Variants in ERI1 observed in about 807,000 individuals in gnomAD.
ERI1 encodes the protein 3'-5' exoribonuclease 1.
ERI1 carries 39 observed loss-of-function variants against 39.7 expected under a neutral mutation model. That is an observed-to-expected ratio of 0.98 (90% CI 0.76 to 1.28). The LOEUF (loss-of-function observed/expected upper bound fraction) is 1.28. Ranked by LOEUF, ERI1 falls within the 50% of genes most tolerant of loss-of-function variation. The pLI is 0.00. For missense variants in ERI1, 581 were observed against 416.9 expected (o/e 1.39, Z -3.43); for synonymous variants, 204 against 149.6 (o/e 1.36, Z -2.65).
At chr8:9,053,219 G>T (rs1474951729) in intron 3 of ERI1, among the ~76,000 whole-genome samples, 1 of 152,172 alleles carries the variant, frequency 6.6e-6, no homozygotes, top group African/African-American at 2.4e-5. Flanking sequence ...GTTTTGCCAT[G>T]TTGGCCCCAC....
intron 3 of ERI1, among the ~76,000 whole-genome samples, chr8:9,074,583 A>C (rs995231845): frequency 2.0e-5 from 3 of 152,034 alleles, no homozygotes; most frequent in Non-Finnish European, 4.4e-5. Context: ...CTGAGACTAC[A>C]GGTATATACT....
chr8:9,088,890 A>G (rs1799616263), intron 3 of ERI1, among the ~76,000 whole-genome samples: 1 of 152,206 alleles, frequency 6.6e-6, no homozygotes. Context: ...TGACCAGGTC[A>G]TGCGGGTGAG....
At position 9,056,302 on chromosome 8, in the gene ERI1, C is replaced by G. The variant is rs561735876; in HGVS notation, n.299+35838C>G. ...GCACAGCTCTGTCCTGCTCCTACCT[C>G]TGTTGTGATTTGACCTGCCTTTTCC... On this transcript the variant is annotated intron_variant and non_coding_transcript_variant, in intron 3 of 3. Coordinates refer to the ERI1 transcript ENST00000518663. Among the ~76,000 whole-genome samples the G allele has an allele frequency of 1.2e-4, 18 of 152,342 alleles. No individual in the cohort carries two copies. In the South Asian group the frequency reaches 3.3e-3, roughly 28 times the overall value.
At chr8:9,073,837 G>T (rs1184674499) in intron 3 of ERI1, among the ~76,000 whole-genome samples, 2 of 152,036 alleles carry the variant, frequency 1.3e-5, no homozygotes, top group Non-Finnish European at 2.9e-5. Flanking sequence ...TCTGTTTAGG[G>T]TCTTTTACTT....
chr8:9,090,701 G>C (rs1799676052), intron 3 of ERI1, among the ~76,000 whole-genome samples: 1 of 152,168 alleles, frequency 6.6e-6, no homozygotes, highest in Admixed American at 6.5e-5. Flanking sequence ...TATAGATTGT[G>C]CTTTAGAAAA....
chr8:9,006,110 T>G (rs903428726), intron 1 of ERI1, among the ~76,000 whole-genome samples: 1 of 152,264 alleles, frequency 6.6e-6, no homozygotes, highest in African/African-American at 2.4e-5. Flanking sequence ...TAATTTTGTC[T>G]TTCTGCAGAT....
chr8:9,048,086 C>A (rs1342628507), intron 3 of ERI1, among the ~76,000 whole-genome samples: 1 of 152,196 alleles, frequency 6.6e-6, no homozygotes, highest in African/African-American at 2.4e-5. Flanking sequence ...TTGCATTGTC[C>A]TCTGGGAAGG....
At chr8:9,093,119 C>A (rs1474881883) in intron 3 of ERI1, among the ~76,000 whole-genome samples, 2 of 152,204 alleles carry the variant, frequency 1.3e-5, no homozygotes, top group Non-Finnish European at 1.5e-5. Flanking sequence ...ACTTAATCAC[C>A]TTTTTAAAGA....
intron 3 of ERI1, among the ~76,000 whole-genome samples, chr8:9,098,734 T>A (rs77518819): frequency 0.067 from 10,218 of 151,472 alleles, 1,006 homozygotes; most frequent in African/African-American, 0.22. Flanking sequence ...AAAAAAAAAA[T>A]TTTTAATAAA....
chr8:9,036,071 A>G (rs6987107), downstream of ERI1, among the ~76,000 whole-genome samples: 69,307 of 152,078 alleles, frequency 0.46, 17,139 homozygotes, highest in African/African-American at 0.59. Flanking sequence ...TCTTACAGAT[A>G]AGCAAAGAAA....
Position 9,018,346 on chromosome 8 carries a change from T to G in ERI1, c.632T>G (p.Ile211Ser). 6.2e-7 allele frequency: 1 copy of G among 1,612,726 alleles called. No homozygotes were observed. Among genetic ancestry groups the G allele is most frequent in the Non-Finnish European group, 8.5e-7 (1 of 1,178,944 alleles). Residue 211 changes from isoleucine to serine, a missense_variant, in exon 5 of 7, where the codon ATT (isoleucine) becomes AGT (serine). Coordinates refer to ENST00000250263, the MANE Select transcript of ERI1 (RefSeq NM_153332.4). ...TTCCCTCAGGTACTAAAAAAAGTAA[T>G]TGACTGGATGAAATTGAAGGAATTA... ...DTFPQVLKKV[I>S]DWMKLKELGT...
chr8:9,058,077 G>A (rs1450336747), intron 3 of ERI1, among the ~76,000 whole-genome samples: 3 of 152,218 alleles, frequency 2.0e-5, no homozygotes, highest in Non-Finnish European at 4.4e-5. Flanking sequence ...TCTGCCGTTT[G>A]AAAAGAGTAG....
At chr8:9,092,672 G>T (rs1799745338) in intron 3 of ERI1, among the ~76,000 whole-genome samples, 1 of 152,220 alleles carries the variant, frequency 6.6e-6, no homozygotes, top group South Asian at 2.1e-4. Flanking sequence ...GTGAGCAGTG[G>T]TTTGCCACTT....
chr8:9,087,590 A>G (rs146763614), intron 3 of ERI1, among the ~76,000 whole-genome samples: 239 of 152,000 alleles, frequency 1.6e-3, no homozygotes, highest in South Asian at 5.6e-3. Flanking sequence ...TTTTATTTTT[A>G]TACAGTGATC....
At chr8:9,004,889 T>C (rs925418307) in intron 1 of ERI1, among the ~76,000 whole-genome samples, 4 of 152,044 alleles carry the variant, frequency 2.6e-5, no homozygotes, top group Non-Finnish European at 4.4e-5. Flanking sequence ...GGTTTCACCA[T>C]GTTGGCCATG....
At chr8:9,033,988 A>G (rs963910499), downstream of ERI1, among the ~76,000 whole-genome samples, 3 of 152,234 alleles carry the variant, frequency 2.0e-5, no homozygotes, top group Non-Finnish European at 4.4e-5. Flanking sequence ...GACCAGCTGT[A>G]AGGTTTTTTC....
intron 3 of ERI1, among the ~76,000 whole-genome samples, chr8:9,069,658 C>T (rs185817952): frequency 4.6e-5 from 7 of 152,260 alleles, no homozygotes; most frequent in East Asian, 1.9e-4. Context: ...CAAGATCATT[C>T]GTATCTCAGC....
Position 9,003,137 on chromosome 8 carries a change from A to G in ERI1, c.74A>G (p.Glu25Gly), listed in dbSNP as rs1815547769. ...GCGCTGCTGGAGTCGCCGCGGCCGG[A>G]GGGCGGGGAGGAGCCGCCGCGTCCC... ...ALALLESPRP[E>G]GGEEPPRPSP... Residue 25 changes from glutamate to glycine, a missense_variant, in exon 1 of 7, where the codon GAG (glutamate) becomes GGG (glycine). Glu to Gly is a moderately conservative substitution (Grantham distance 98). Transcript: ENST00000250263. The G allele has an allele frequency of 1.6e-6, 2 of 1,244,550 alleles. No individual in the cohort carries two copies. The highest frequency in any genetic ancestry group is 3.1e-5 in the African/African-American group (2 of 64,570). The allele number at this position is 1,244,550 out of a possible 1,614,324, so 77.1% of individuals were successfully genotyped here.
intron 1 of ERI1, chr8:9,003,936 C>G: frequency 4.1e-6 from 2 of 482,988 alleles, no homozygotes; most frequent in Non-Finnish European, 3.8e-6. Flanking sequence ...TTCCATCTGG[C>G]AGCTAGAATG....
Sources: allele counts gnomAD v4.1 joint callset (sites outside exome capture counted in the v4.1 genomes callset), GRCh38; gene constraint gnomAD v4.1.1; transcripts MANE v1.5; gene names NCBI Gene and HGNC (gene_info 2026-07-23, HGNC 2026-07-21).